The following PRKDC variants were observed in gnomAD, a reference collection of about 807,000 sequenced individuals.
The protein encoded by PRKDC is DNA-dependent protein kinase catalytic subunit.
PRKDC carries 82 observed loss-of-function variants against 486.9 expected under a neutral mutation model. The ratio of observed to expected loss-of-function variants is 0.17; its 90% CI spans 0.14 to 0.20. PRKDC has a LOEUF of 0.20. Ranked by LOEUF, PRKDC falls within the 10% of genes least tolerant of loss-of-function variation. The probability of loss-of-function intolerance (pLI) is 1.00; values close to 1 mark genes in which losing one functional copy is unlikely to be tolerated. For missense variants in PRKDC, 4,504 were observed against 5,038.2 expected, an observed-to-expected ratio of 0.89 and a Z score of 3.21; for synonymous variants, 1,895 against 1,837.0, an observed-to-expected ratio of 1.03 and a Z score of -0.81.
chr8:47,951,121 C>T (rs567187591), intron 7 of PRKDC, among the ~76,000 whole-genome samples: 1 of 151,938 alleles, frequency 6.6e-6, no homozygotes, highest in Non-Finnish European at 1.5e-5. Flanking sequence ...GTAATCCCAG[C>T]ACTTTGGGAG....
At chr8:47,843,211 C>T (rs2088191143) in intron 54 of PRKDC, among the ~76,000 whole-genome samples, 2 of 152,246 alleles carry the variant, frequency 1.3e-5, no homozygotes, top group African/African-American at 4.8e-5. Flanking sequence ...CCAAACTGAA[C>T]TTCCGGTTTT....
Position 47,782,322 on chromosome 8 carries a change from C to T in PRKDC, c.11396+56G>A, listed in dbSNP as rs892858756. On this transcript the variant is annotated intron_variant, in intron 79 of 85. Transcript: ENST00000314191. The surrounding 1 kb of genome is among the most constrained non-coding windows in gnomAD (Gnocchi z 4.9). Reference sequence around the variant, plus strand: ...TCTTTCTTCACTAGAAAAACAGTCCCGTGGACGCCAAGCAATATGCAGCAG... The same window carrying T: ...TCTTTCTTCACTAGAAAAACAGTCCTGTGGACGCCAAGCAATATGCAGCAG... 31 of 1,610,760 alleles carry T rather than the reference C, an allele frequency of 1.9e-5. No individual in the cohort carries two copies. Among genetic ancestry groups the T allele is most frequent in the Middle Eastern group, 1.6e-4 (1 of 6,080 alleles).
At chr8:47,823,112 T>C (rs2087643654) in intron 64 of PRKDC, among the ~76,000 whole-genome samples, 1 of 151,990 alleles carries the variant, frequency 6.6e-6, no homozygotes, top group Non-Finnish European at 1.5e-5. Context: ...CCAGGCATGA[T>C]GGCTTGAGCT....
At chr8:47,833,767 CCT>C (rs2087942883) in intron 59 of PRKDC, among the ~76,000 whole-genome samples, 2 of 152,092 alleles carry the variant, frequency 1.3e-5, no homozygotes, top group Admixed American at 1.3e-4. Context: ...CTTCTCCATC[CCT>C]GTCCTTTTCA....
At chr8:47,873,396 T>G (rs2154501109) in intron 40 of PRKDC, among the ~76,000 whole-genome samples, 1 of 152,006 alleles carries the variant, frequency 6.6e-6, no homozygotes, top group African/African-American at 2.4e-5. Context: ...AAAAATGAGC[T>G]GGGCAAGGTG....
In PRKDC at chr8:47,864,689, C is replaced by T. The variant is rs780655230; in HGVS notation, c.5438G>A (p.Ser1813Asn). Residue 1813 changes from serine to asparagine, a missense_variant, in exon 41 of 86, where the codon AGT becomes AAT. Around this residue, in one of 6 missense-constraint regions of PRKDC, gnomAD observed 1,969 missense variants for 2,068.9 expected, o/e 0.95. Transcript: ENST00000314191. ...EMFRKDDPRL[S>N]FTRQSFVDRS... ...GTCCACAAAGGACTGGCGTGTGAAA[C>T]TTAGGCGGGGGTCATCCTTCCTGAA... 6 of 1,607,604 alleles carry T rather than the reference C, an allele frequency of 3.7e-6. No individual in the cohort carries two copies. Among genetic ancestry groups the T allele is most frequent in the East Asian group, 4.5e-5 (2 of 44,734 alleles).
intron 69 of PRKDC, 21 bp downstream of exon 69, chr8:47,807,116 A>G: frequency 6.2e-7 from 1 of 1,605,618 alleles, no homozygotes; most frequent in Non-Finnish European, 8.5e-7. Context: ...CACAGCAGGG[A>G]GGACAGACAC....
At chr8:47,777,009 C>T (rs8178257) in intron 84 of PRKDC, 26 bp from the exon 85 acceptor site, 71 of 1,602,406 alleles carry the variant, frequency 4.4e-5, no homozygotes, top group East Asian at 8.9e-5. Context: ...ATGATTTTCC[C>T]GGCTGATCAT....
At chr8:47,813,893 G>C (rs538410683) in intron 68 of PRKDC, among the ~76,000 whole-genome samples, 1 of 152,200 alleles carries the variant, frequency 6.6e-6, no homozygotes, top group South Asian at 2.1e-4. Flanking sequence ...TTTTAAAATA[G>C]AGAAGGGAAC....
intron 27 of PRKDC, among the ~76,000 whole-genome samples, 184 bp downstream of exon 27, chr8:47,902,385 T>C (rs2089702631): frequency 6.6e-6 from 1 of 152,196 alleles, no homozygotes; most frequent in African/African-American, 2.4e-5. Context: ...TTCTCAGCAG[T>C]TTCCAAGCTT....
At chr8:47,925,696 T>C (rs1338719970) in intron 21 of PRKDC, among the ~76,000 whole-genome samples, 1 of 152,166 alleles carries the variant, frequency 6.6e-6, no homozygotes, top group Non-Finnish European at 1.5e-5. Flanking sequence ...TACAATGAAG[T>C]CTTCAAGATC....
chr8:47,807,180 T>G lies in PRKDC; in HGVS notation c.9704A>C (p.Lys3235Thr). 6.2e-7 allele frequency: 1 copy of G among 1,613,904 alleles called. No homozygotes were observed. Among genetic ancestry groups the G allele is most frequent in the Non-Finnish European group, 8.5e-7 (1 of 1,179,836 alleles). ...EDISSLIRSC[K>T]FSMKMKMIDS... Reference sequence around the variant, plus strand: ...TATCATCTTCATTTTCATGGAAAACTTGCAACTCCTGATCAGGGAGCTGAT... The same window carrying G: ...TATCATCTTCATTTTCATGGAAAACGTGCAACTCCTGATCAGGGAGCTGAT... Residue 3235 changes from lysine (K) to threonine (T), a missense_variant, in exon 69 of 86, where the codon AAG (lysine) becomes ACG (threonine). This residue lies in a region of PRKDC where 1,592 missense variants were observed against 1,724.6 expected (regional missense o/e 0.92). Coordinates refer to ENST00000314191, the MANE Select transcript of PRKDC (RefSeq NM_006904.7).
intron 68 of PRKDC, among the ~76,000 whole-genome samples, chr8:47,817,014 T>C (rs2087461840): frequency 6.6e-6 from 1 of 152,156 alleles, no homozygotes; most frequent in Non-Finnish European, 1.5e-5. Context: ...GAACATGACC[T>C]GAGACCTGGG....
At chr8:47,947,938 G>T in intron 7 of PRKDC, among the ~76,000 whole-genome samples, 1 of 151,548 alleles carries the variant, frequency 6.6e-6, no homozygotes, top group South Asian at 2.1e-4. Flanking sequence ...AAATTAGCAG[G>T]ACATGGTGGC....
intron 80 of PRKDC, among the ~76,000 whole-genome samples, chr8:47,781,142 C>A (rs1156955105): frequency 6.6e-6 from 1 of 152,164 alleles, no homozygotes; most frequent in Non-Finnish European, 1.5e-5. Context: ...AGGCAGGTAC[C>A]ACAGGAAAGG....
chr8:47,945,038 T>C (rs2090508858), intron 7 of PRKDC, among the ~76,000 whole-genome samples: 1 of 152,194 alleles, frequency 6.6e-6, no homozygotes, highest in Non-Finnish European at 1.5e-5. Context: ...TAGGTACTAG[T>C]TGGGGAAAAG....
At chr8:47,930,071 G>T (rs1413195493) in intron 17 of PRKDC, 59 bp from the exon 18 acceptor site, 6 of 1,458,258 alleles carry the variant, frequency 4.1e-6, no homozygotes, top group Non-Finnish European at 5.7e-6. Context: ...TCTTAAAATT[G>T]TAAGGGACAT....
Position 47,960,050 on chromosome 8 carries a change from C to A in PRKDC, c.77G>T (p.Gly26Val). 1 of 1,532,544 alleles carries A rather than the reference C, an allele frequency of 6.5e-7. No individual in the cohort carries two copies. 94.9% of individuals were successfully genotyped at this position (1,532,544 alleles called of 1,614,324 possible). ...CAGTTGATGACCGGCCAGGGCAGCA[C>A]CGCAGCGGTCCGCAGCGGACAAGGT... ...QETLSAADRCGAALAGHQLIR... is the reference protein window; with the variant it reads ...QETLSAADRCVAALAGHQLIR... Residue 26 changes from glycine to valine, a missense_variant, in exon 1 of 86, where the codon GGT (glycine) becomes GTT (valine). Gly to Val is a moderately radical substitution (Grantham distance 109). Coordinates refer to ENST00000314191, the MANE Select transcript of PRKDC (RefSeq NM_006904.7).
At chr8:47,903,702 A>T (rs1311270560) in intron 26 of PRKDC, among the ~76,000 whole-genome samples, 2 of 152,170 alleles carry the variant, frequency 1.3e-5, no homozygotes, top group South Asian at 4.1e-4. Flanking sequence ...CGTTTTACTT[A>T]TCAGATTTCT....
Sources: gnomAD v4.1 joint callset for allele counts (sites outside exome capture counted in the v4.1 genomes callset) on GRCh38, gnomAD v4.1.1 for gene constraint, gnomAD v4.1.1 regional missense constraint, Gnocchi (gnomAD v3.1) non-coding constraint, MANE v1.5 for transcripts, NCBI Gene and HGNC (gene_info 2026-07-23, HGNC 2026-07-21) for gene names.